IRF2BPL: variants seen among roughly 807,000 people sequenced by gnomAD.
IRF2BPL encodes interferon regulatory factor 2 binding protein like, also known as probable E3 ubiquitin-protein ligase IRF2BPL.
In IRF2BPL, 13 loss-of-function variants were observed where a neutral mutation model predicts 51.2. The ratio of observed to expected loss-of-function variants is 0.25; its 90% CI spans 0.17 to 0.40. The LOEUF is 0.40. Ranked by LOEUF, IRF2BPL falls within the 10% of genes least tolerant of loss-of-function variation. IRF2BPL has a pLI of 1.00. For synonymous variants in IRF2BPL, 768 were observed against 509.2 expected (o/e 1.51, Z -6.84); for missense variants, 1,210 against 1,111.8 (o/e 1.09, Z -1.26).
Position 77,025,573 on chromosome 14 carries a change from G to A in IRF2BPL, c.2220C>T (p.Phe740=), listed in dbSNP as rs777588635. 4 of 1,608,862 alleles carry A rather than the reference G, an allele frequency of 2.5e-6. No homozygotes were observed. Among genetic ancestry groups the A allele is most frequent in the South Asian group, 2.2e-5 (2 of 90,506 alleles). Residue 740 remains phenylalanine, a synonymous_variant, in exon 1 of 1, where the codon TTC becomes TTT. Transcript: ENST00000238647. ...CPSVPSHKFC[F]PCSRESIKAQ... ...CCTTGATACTCTCTCTAGAGCAAGGGAAGCAAAATTTGTGGCTGGGGACGG... is the reference window on the plus strand; with the variant it reads ...CCTTGATACTCTCTCTAGAGCAAGGAAAGCAAAATTTGTGGCTGGGGACGG...
Position 77,027,443 on chromosome 14 carries a change from TGC to T in IRF2BPL, c.348_349del (p.Gln117AlafsTer15). 2 of 1,401,184 alleles carry T rather than the reference TGC, an allele frequency of 1.4e-6. No homozygotes were observed. The highest frequency in any genetic ancestry group is 1.4e-5 in the South Asian group (1 of 73,626). 86.8% of individuals were successfully genotyped at this position (1,401,184 alleles called of 1,614,324 possible). On this transcript the variant is annotated frameshift_variant, in exon 1 of 1. Transcript: ENST00000238647. LOFTEE classifies it high-confidence loss of function. ...TTGCTGCTGCTGCTGCTGCTGCTGC[TGC>T]TGCTGTTGCTGCTGCTGCTGCTGCT... is the stretch of plus-strand genomic sequence containing the variant.
rs778904361 is a variant in IRF2BPL, at chr14:77,025,858, G to C, written c.1935C>G (p.Ser645=). 6.2e-7 allele frequency: 1 copy of C among 1,612,570 alleles called. No homozygotes were observed. Among genetic ancestry groups the C allele is most frequent in the East Asian group, 2.2e-5 (1 of 44,870 alleles). ...GTAHSPKDGS[S]VHSTTASARR... is the part of the protein sequence containing the mutation. ...GCGCCGACGCAGTGGTAGAGTGCAC[G>C]GAACTGCCATCCTTGGGCGAGTGCG... The change falls in exon 1 of 1, where the codon TCC becomes TCG. Residue 645 remains serine (S), a synonymous_variant. Transcript: ENST00000238647.
Position 77,025,781 on chromosome 14 carries a change from C to G in IRF2BPL, c.2012G>C (p.Arg671Pro). 6.2e-7 allele frequency: 1 copy of G among 1,608,088 alleles called. No homozygotes were observed. Among genetic ancestry groups the G allele is most frequent in the Non-Finnish European group, 8.5e-7 (1 of 1,177,146 alleles). ...VSPASVPGQR[R>P]LASRNGDLNL... Reference sequence around the variant, plus strand: ...CAGGTCCCCGTTACGTGATGCCAAGCGGCGCTGCCCCGGCACGGAGGCCGG... The same window carrying G: ...CAGGTCCCCGTTACGTGATGCCAAGGGGCGCTGCCCCGGCACGGAGGCCGG... The change falls in exon 1 of 1, where the codon CGC becomes CCC. Residue 671 changes from arginine to proline, a missense_variant. Physicochemically the swap from Arg to Pro is moderately radical, Grantham distance 103. Coordinates refer to ENST00000238647, the MANE Select transcript of IRF2BPL (RefSeq NM_024496.4).
rs184147955 is a variant in IRF2BPL at position 77,026,807 on chromosome 14, C to A, written c.986G>T (p.Gly329Val). The change falls in exon 1 of 1, where the codon GGT becomes GTT. Residue 329 changes from glycine to valine, a missense_variant. Coordinates refer to ENST00000238647, the MANE Select transcript of IRF2BPL (RefSeq NM_024496.4). The part of the protein sequence containing the change: ...SVAEVGVGAG[G>V]KRPGSVSSTD... ...GCTCGACACCGAGCCGGGCCTCTTACCACCAGCACCCACGCCCACCTCTGC... is the reference window on the plus strand; with the variant it reads ...GCTCGACACCGAGCCGGGCCTCTTAACACCAGCACCCACGCCCACCTCTGC... The A allele has an allele frequency of 8.1e-6, 13 of 1,612,688 alleles. No homozygotes were observed. Among genetic ancestry groups the A allele is most frequent in the Non-Finnish European group, 9.3e-6 (11 of 1,179,728 alleles).
Position 77,027,766 on chromosome 14 carries a change from G to A in IRF2BPL, c.27C>T (p.Ser9=), listed in dbSNP as rs758043708. The A allele has an allele frequency of 1.3e-6, 2 of 1,594,988 alleles. No homozygotes were observed. Among genetic ancestry groups the A allele is most frequent in the South Asian group, 1.1e-5 (1 of 89,770 alleles). Residue 9 remains serine, a synonymous_variant, in exon 1 of 1, where the codon TCC becomes TCT. Coordinates refer to ENST00000238647, the MANE Select transcript of IRF2BPL (RefSeq NM_024496.4). ...CGCACAGGTAGCAAGATTGTCTCCG[G>A]GACGAGGACACCTGCGCCGCCGACA... MSAAQVSS[S]RRQSCYLCDL... is the part of the protein sequence containing the mutation.
Position 77,025,187 on chromosome 14 carries a change from C to T in IRF2BPL, c.*215G>A. 1 of 432,402 alleles carries T rather than the reference C, an allele frequency of 2.3e-6. No homozygotes were observed. The highest frequency in any genetic ancestry group is 4.1e-6 in the Non-Finnish European group (1 of 243,032). The allele number at this position is 432,402 out of a possible 1,614,324, so 26.8% of individuals were successfully genotyped here. On this transcript the variant is annotated 3_prime_UTR_variant, in exon 1 of 1. Coordinates refer to ENST00000238647, the MANE Select transcript of IRF2BPL (RefSeq NM_024496.4). ...TACTGCTTAACACAAACCAGCTTAT[C>T]CTTCAAATGAAGAAGTTACATACCT... is the stretch of plus-strand genomic sequence containing the variant.
rs199502327 is a variant in IRF2BPL, at chr14:77,027,072, T to G, written c.721A>C (p.Asn241His). 5.4e-3 allele frequency: 8,600 copies of G among 1,598,508 alleles called. 42 individuals carry two copies. The highest frequency in any genetic ancestry group is 6.5e-3 in the Non-Finnish European group (7,657 of 1,174,094). Residue 241 changes from asparagine (N) to histidine (H), a missense_variant, in exon 1 of 1, where the codon AAC becomes CAC. Transcript: ENST00000238647. ...TGGGGGCCTCCGCCACCCCCCGGGT[T>G]GGGCAGCCCCGTAACCAGCCCACCG... ...THGGLVTGLP[N>H]PGGGGGPQLT...
chr14:77,027,853 C>T lies in IRF2BPL; in HGVS notation c.-61G>A. The stretch of plus-strand genomic sequence containing the variant: ...GCTGTCTCCGCGGCGCCTTCTCCTC[C>T]GGGAGGACTGGCCGGCTGGGGAGGG... On this transcript the variant is annotated 5_prime_UTR_variant, in exon 1 of 1. Transcript: ENST00000238647. The T allele has an allele frequency of 7.0e-7, 1 of 1,423,710 alleles. No homozygotes were observed. Among genetic ancestry groups the T allele is most frequent in the Non-Finnish European group, 9.2e-7 (1 of 1,083,348 alleles). 88.2% of individuals were successfully genotyped at this position (1,423,710 alleles called of 1,614,324 possible).
chr14:77,027,588 A>G lies in IRF2BPL; in HGVS notation c.205T>C (p.Ser69Pro), dbSNP rs560886792. 9 of 1,557,842 alleles carry G rather than the reference A, an allele frequency of 5.8e-6. No individual in the cohort carries two copies. In the African/African-American group the frequency reaches 7.1e-5, roughly 12 times the overall value. Residue 69 changes from serine to proline, a missense_variant, in exon 1 of 1, where the codon TCC becomes CCC. Ser to Pro is a moderately conservative substitution (Grantham distance 74). Transcript: ENST00000238647. ...RAHGCFQDGR[S>P]PGPPPPVGVK... is the part of the protein sequence containing the mutation. ...CCGACGGGCGGCGGCGGCCCGGGGG[A>G]GCGGCCGTCCTGGAAGCAGCCGTGC...
chr14:77,028,568 G>A lies in IRF2BPL; in HGVS notation c.-776C>T, dbSNP rs1885240688. 1 of 379,786 alleles carries A rather than the reference G, an allele frequency of 2.6e-6. No homozygotes were observed. Among genetic ancestry groups the A allele is most frequent in the Non-Finnish European group, 4.7e-6 (1 of 213,774 alleles). The allele number at this position is 379,786 out of a possible 1,614,324, so 23.5% of individuals were successfully genotyped here. ...GCGGCGCTCACGTTGGCTGCAGGGC[G>A]CTCGCGCGGCGCCTCGGCCCGGGTC... On this transcript the variant is annotated 5_prime_UTR_variant, in exon 1 of 1. Transcript: ENST00000238647.
chr14:77,026,700 C>T lies in IRF2BPL; in HGVS notation c.1093G>A (p.Ala365Thr). The change falls in exon 1 of 1, where the codon GCC (alanine) becomes ACC (threonine). Residue 365 changes from alanine (A) to threonine (T), a missense_variant. Physicochemically the swap from Ala to Thr is moderately conservative, Grantham distance 58. Transcript: ENST00000238647. ...AELSESLRNRAEEWASKPKMV... is the reference protein window; with the variant it reads ...AELSESLRNRTEEWASKPKMV... ...TTGGGCTTGCTGGCCCACTCCTCGG[C>T]GCGGTTGCGCAGGCTCTCGCTCAGC... 6.2e-7 allele frequency: 1 copy of T among 1,612,600 alleles called. No individual in the cohort carries two copies.
In IRF2BPL at chr14:77,027,475, CTG is replaced by C; in HGVS notation, c.316_317del (p.Gln106AlafsTer26). ...AAAAAAAQQQ[Q>X]QQQQQQQQQQ... ...GTTGCTGCTGCTGCTGCTGCTGTTG[CTG>C]TTGCTGTTGCGCGGCGGCGGCGGCG... is the stretch of plus-strand genomic sequence containing the variant. On this transcript the variant is annotated frameshift_variant, in exon 1 of 1. Coordinates refer to ENST00000238647, the MANE Select transcript of IRF2BPL (RefSeq NM_024496.4). LOFTEE classifies it high-confidence loss of function. 7.3e-7 allele frequency: 1 copy of C among 1,371,756 alleles called. No homozygotes were observed. The highest frequency in any genetic ancestry group is 9.4e-7 in the Non-Finnish European group (1 of 1,064,302). 85.0% of individuals were successfully genotyped at this position (1,371,756 alleles called of 1,614,324 possible). A position where few individuals can be genotyped will look rare whatever the true frequency, so the allele number is the denominator to read the frequency against.
Position 77,028,056 on chromosome 14 carries a change from G to T in IRF2BPL, c.-264C>A. 2.6e-6 allele frequency: 1 copy of T among 385,134 alleles called. No homozygotes were observed. 23.9% of individuals were successfully genotyped at this position (385,134 alleles called of 1,614,324 possible). A position where few individuals can be genotyped will look rare whatever the true frequency, so the allele number is the denominator to read the frequency against. ...TCCTACTGCGGTTGACTCGTCGCGA[G>T]GGGAGCTCAGGCGCCTTCTTCCTGG... On this transcript the variant is annotated 5_prime_UTR_variant, in exon 1 of 1. Transcript: ENST00000238647.
Position 77,026,878 on chromosome 14 carries a change from T to A in IRF2BPL, c.915A>T (p.Val305=). ...ACGACGCGGAGGACGACGTGGCCGA[T>A]ACACCCGGGGTACCCCCGAGACAAG... The part of the protein sequence containing the change: ...GPACLGGTPG[V]SATSSSASSS... Residue 305 remains valine, a synonymous_variant, in exon 1 of 1, where the codon GTA becomes GTT. Transcript: ENST00000238647. 1.3e-6 allele frequency: 2 copies of A among 1,571,312 alleles called. No individual in the cohort carries two copies. Among genetic ancestry groups the A allele is most frequent in the Non-Finnish European group, 1.7e-6 (2 of 1,159,222 alleles).
chr14:77,026,295 G>A lies in IRF2BPL; in HGVS notation c.1498C>T (p.Leu500=), dbSNP rs1447484051. The A allele has an allele frequency of 3.8e-5, 58 of 1,532,738 alleles. No homozygotes were observed. Among genetic ancestry groups the A allele is most frequent in the Non-Finnish European group, 4.8e-5 (55 of 1,141,296 alleles). 94.9% of individuals were successfully genotyped at this position (1,532,738 alleles called of 1,614,324 possible). Residue 500 remains leucine, a synonymous_variant, in exon 1 of 1, where the codon CTG becomes TTG. Coordinates refer to ENST00000238647, the MANE Select transcript of IRF2BPL (RefSeq NM_024496.4). ...PGADMLPQPY[L]DASCPMLPTA... is the part of the protein sequence containing the mutation. ...GGCAGCATGGGACAGCTGGCGTCCA[G>A]GTAGGGCTGGGGCAGCATGTCGGCG... is the stretch of plus-strand genomic sequence containing the variant.
rs779802124 is a variant in IRF2BPL, at chr14:77,027,789, A to C, written c.4T>G (p.Ser2Ala). Residue 2 changes from serine to alanine, a missense_variant, in exon 1 of 1, where the codon TCG (serine) becomes GCG (alanine). Physicochemically the swap from Ser to Ala is moderately conservative, Grantham distance 99 (BLOSUM62 1). Transcript: ENST00000238647. Reference protein sequence around the residue: MSAAQVSSSRRQ... With the variant: MAAAQVSSSRRQ... Reference sequence around the variant, plus strand: ...CGGGACGAGGACACCTGCGCCGCCGACATGATGCCTGCCCTGGGGAAGGTA... The same window carrying C: ...CGGGACGAGGACACCTGCGCCGCCGCCATGATGCCTGCCCTGGGGAAGGTA... The C allele has an allele frequency of 4.3e-5, 68 of 1,572,572 alleles. No homozygotes were observed. Among genetic ancestry groups the C allele is most frequent in the African/African-American group, 1.1e-4 (8 of 72,630 alleles).
In IRF2BPL at chr14:77,028,563, A is replaced by T. The variant is rs567044269; in HGVS notation, c.-771T>A. 3.4e-4 allele frequency: 127 copies of T among 378,000 alleles called. No homozygotes were observed. Among genetic ancestry groups the T allele is most frequent in the African/African-American group, 2.4e-3 (116 of 47,712 alleles). 23.4% of individuals were successfully genotyped at this position (378,000 alleles called of 1,614,324 possible). A position where few individuals can be genotyped will look rare whatever the true frequency, so the allele number is the denominator to read the frequency against. The stretch of plus-strand genomic sequence containing the variant: ...GGCTGGCGGCGCTCACGTTGGCTGC[A>T]GGGCGCTCGCGCGGCGCCTCGGCCC... On this transcript the variant is annotated 5_prime_UTR_variant, in exon 1 of 1. Coordinates refer to ENST00000238647, the MANE Select transcript of IRF2BPL (RefSeq NM_024496.4).
chr14:77,027,301 CGCAGCGGCGGCGGCGGCGGCGGCG>C lies in IRF2BPL; in HGVS notation c.468_491del (p.Ala157_Ala164del). 1 of 1,525,384 alleles carries C rather than the reference CGCAGCGGCGGCGGCGGCGGCGGCG, an allele frequency of 6.6e-7. No homozygotes were observed. Among genetic ancestry groups the C allele is most frequent in the South Asian group, 1.2e-5 (1 of 83,938 alleles). 94.5% of individuals were successfully genotyped at this position (1,525,384 alleles called of 1,614,324 possible). ...ACTCGAAGCGGCTGCGCTGTTCCAC[CGCAGCGGCGGCGGCGGCGGCGGCG>C]GCGGCGGCAGCGCTTAGGCCGTAGC... is the stretch of plus-strand genomic sequence containing the variant. On this transcript the variant is annotated inframe_deletion, in exon 1 of 1. Transcript: ENST00000238647.
In IRF2BPL at chr14:77,025,797, C is replaced by G. The variant is rs757908364; in HGVS notation, c.1996G>C (p.Val666Leu). 1 of 1,611,246 alleles carries G rather than the reference C, an allele frequency of 6.2e-7. No homozygotes were observed. The highest frequency in any genetic ancestry group is 1.3e-5 in the African/African-American group (1 of 74,900). ...NSSSPVSPAS[V>L]PGQRRLASRN... ...GATGCCAAGCGGCGCTGCCCCGGCA[C>G]GGAGGCCGGCGAGACTGGGCTGCTG... Residue 666 changes from valine (V) to leucine (L), a missense_variant, in exon 1 of 1, where the codon GTG becomes CTG. Physicochemically the swap from Val to Leu is conservative, Grantham distance 32. Transcript: ENST00000238647.
Sources: allele counts gnomAD v4.1 joint callset, GRCh38; gene constraint gnomAD v4.1.1; transcripts MANE v1.5; gene names NCBI Gene and HGNC (gene_info 2026-07-23, HGNC 2026-07-21).